The following PSD2 variants were observed in gnomAD, a reference collection of about 807,000 sequenced individuals.
PSD2 encodes PH and SEC7 domain-containing protein 2.
PSD2 carries 38 observed loss-of-function variants against 69.8 expected under a neutral mutation model. The ratio of observed to expected loss-of-function variants is 0.54; its 90% CI spans 0.42 to 0.71. The LOEUF is 0.71. PSD2 is among the 30% of genes least tolerant of loss of function. The probability of loss-of-function intolerance (pLI) is 0.00; values close to 1 mark genes in which losing one functional copy is unlikely to be tolerated. For synonymous variants in PSD2, 412 were observed against 423.0 expected, an observed-to-expected ratio of 0.97 and a Z score of 0.32; for missense variants, 943 against 1,014.5, an observed-to-expected ratio of 0.93 and a Z score of 0.96.
At chr5:139,813,793 C>A (rs376990624) in intron 3 of PSD2, 35 bp downstream of exon 3, 2 of 1,541,458 alleles carry the variant, frequency 1.3e-6, no homozygotes, top group Non-Finnish European at 8.8e-7. Flanking sequence ...AACCACCGAG[C>A]AGATGGGGAA....
chr5:139,764,547 G>C, the PSD2 span, among the ~76,000 whole-genome samples: 1 of 152,162 alleles, frequency 6.6e-6, no homozygotes, highest in Non-Finnish European at 1.5e-5. Flanking sequence ...CCGTTGCCAG[G>C]AGCAGTCAGG....
upstream of PSD2, among the ~76,000 whole-genome samples, chr5:139,792,257 C>A (rs1447868654): frequency 1.3e-5 from 2 of 152,092 alleles, no homozygotes; most frequent in Non-Finnish European, 2.9e-5. Flanking sequence ...GAATCCCTAC[C>A]CAGGCACCCC....
chr5:139,747,462 C>T, the PSD2 span, among the ~76,000 whole-genome samples: 1 of 152,166 alleles, frequency 6.6e-6, no homozygotes, highest in Non-Finnish European at 1.5e-5. The surrounding 1 kb of genome is among the most constrained non-coding windows in gnomAD (Gnocchi z 6.7). Flanking sequence ...CGGGCGGGGG[C>T]TGGGGGCTGT....
chr5:139,787,544 A>G, the PSD2 span, among the ~76,000 whole-genome samples: 2 of 152,252 alleles, frequency 1.3e-5, no homozygotes, highest in South Asian at 4.1e-4. Flanking sequence ...AGCAGCAGTC[A>G]GCTGCCACAA....
chr5:139,840,080 G>C lies in PSD2; in HGVS notation c.2022G>C (p.Leu674=). Residue 674 remains leucine (L), a synonymous_variant, in exon 14 of 15, where the codon CTG becomes CTC. Transcript: ENST00000274710. ...ENKLRQLTAE[L]AEHRCHPVER... ...AGTTGAGGCAGCTGACTGCGGAGCT[G>C]GCCGAACACAGGTGTCACCCAGTCG... 6 of 1,614,226 alleles carry C rather than the reference G, an allele frequency of 3.7e-6. No homozygotes were observed. Among genetic ancestry groups the C allele is most frequent in the Non-Finnish European group, 5.1e-6 (6 of 1,180,040 alleles).
At chr5:139,766,993 C>T in the PSD2 span, among the ~76,000 whole-genome samples, 2 of 138,034 alleles carry the variant, frequency 1.4e-5, no homozygotes, top group African/African-American at 5.6e-5. Flanking sequence ...TTCTTTCTTT[C>T]TTTCCTTCTT....
chr5:139,806,384 C>T (rs551384665), intron 1 of PSD2, among the ~76,000 whole-genome samples: 2 of 152,342 alleles, frequency 1.3e-5, no homozygotes, highest in East Asian at 1.9e-4. Context: ...ACTGGGGGCT[C>T]ATTCTGCGTC....
At chr5:139,834,538 C>A (rs1364118061) in intron 8 of PSD2, among the ~76,000 whole-genome samples, 1 of 151,514 alleles carries the variant, frequency 6.6e-6, no homozygotes, top group Non-Finnish European at 1.5e-5. Context: ...TGGGCTCAAG[C>A]AATCCTCACA....
chr5:139,746,030 T>TG, the PSD2 span, among the ~76,000 whole-genome samples: 1 of 152,144 alleles, frequency 6.6e-6, no homozygotes, highest in Non-Finnish European at 1.5e-5. This position sits in a 1 kb window ranked among gnomAD's most constrained non-coding sequence, Gnocchi z 4.5. Flanking sequence ...TCAGGGGTGG[T>TG]GGGCCCACTG....
chr5:139,756,925 C>G, the PSD2 span, among the ~76,000 whole-genome samples: 1 of 152,218 alleles, frequency 6.6e-6, no homozygotes, highest in African/African-American at 2.4e-5. Flanking sequence ...ATTTCTTGAG[C>G]ACTTCCTAAT....
rs779751366 is a variant in PSD2 at position 139,813,408 on chromosome 5, C to T, written c.471C>T (p.Ser157=). The change falls in exon 3 of 15, where the codon AGC becomes AGT. Residue 157 remains serine, a synonymous_variant. Transcript: ENST00000274710. ...TGCTGCGGGGCACCCAGTACAGCAG[C>T]CTCGACTCCCTAGACGGGCTGAGCC... The part of the protein sequence containing the change: ...SELLRGTQYS[S]LDSLDGLSLT... The T allele has an allele frequency of 9.3e-6, 15 of 1,613,656 alleles. No individual in the cohort carries two copies. Among genetic ancestry groups the T allele is most frequent in the East Asian group, 2.2e-5 (1 of 44,854 alleles).
At chr5:139,819,102 A>T (rs1291892775) in intron 5 of PSD2, among the ~76,000 whole-genome samples, 2 of 152,148 alleles carry the variant, frequency 1.3e-5, no homozygotes, top group African/African-American at 2.4e-5. Flanking sequence ...TTAATAACTT[A>T]AAAAAATTGG....
Position 139,837,039 on chromosome 5 carries a change from C to G in PSD2, c.1594+38C>G, listed in dbSNP as rs1049292295. ...CTGGGAGAGGGGCATGGGAGGGAGG[C>G]TGGCACAGAGGGGGGCGCCACGGGC... On this transcript the variant is annotated intron_variant, in intron 10 of 14. Coordinates refer to ENST00000274710, the MANE Select transcript of PSD2 (RefSeq NM_032289.4). The surrounding 1 kb of genome is among the most constrained non-coding windows in gnomAD (Gnocchi z 5.0). 6.2e-7 allele frequency: 1 copy of G among 1,601,024 alleles called. No individual in the cohort carries two copies.
At chr5:139,765,954 C>T in the PSD2 span, among the ~76,000 whole-genome samples, 10 of 152,188 alleles carry the variant, frequency 6.6e-5, no homozygotes, top group African/African-American at 1.7e-4. Flanking sequence ...CGTTCGTTCC[C>T]TCTCTCTTTC....
the PSD2 span, among the ~76,000 whole-genome samples, chr5:139,778,626 T>C: frequency 4.6e-5 from 7 of 152,294 alleles, no homozygotes; most frequent in South Asian, 1.0e-3. Context: ...TTTATTTTCT[T>C]AGGATAAATC....
the PSD2 span, among the ~76,000 whole-genome samples, chr5:139,766,968 T>C: frequency 2.2e-4 from 31 of 143,402 alleles, no homozygotes; most frequent in Non-Finnish European, 3.4e-4. Flanking sequence ...TTTCTTTCTT[T>C]CTTTCTTTCT....
In PSD2 at chr5:139,809,767, T is replaced by C; in HGVS notation, c.327T>C (p.Asn109=). 1.2e-6 allele frequency: 2 copies of C among 1,614,156 alleles called. No homozygotes were observed. The highest frequency in any genetic ancestry group is 1.7e-6 in the Non-Finnish European group (2 of 1,180,018). ...CTGGCGTGCTGGCAGAGGGGGACAA[T>C]GCTTCCAGGAGCCTCTACCCAGATG... ...WRAGVLAEGD[N]ASRSLYPDAE... The change falls in exon 2 of 15, where the codon AAT becomes AAC. Residue 109 remains asparagine (N), a synonymous_variant. Coordinates refer to ENST00000274710, the MANE Select transcript of PSD2 (RefSeq NM_032289.4).
chr5:139,744,920 C>A, the PSD2 span: 1 of 152,384 alleles, frequency 6.6e-6, no homozygotes, highest in Non-Finnish European at 1.5e-5. Flanking sequence ...TTCAGGAGGG[C>A]ATGGTTTTAC....
intron 1 of PSD2, among the ~76,000 whole-genome samples, chr5:139,798,703 A>G (rs1419287697): frequency 2.0e-5 from 3 of 152,158 alleles, no homozygotes; most frequent in Non-Finnish European, 4.4e-5. Context: ...TAAGTTGCCA[A>G]CATTATAACA....
Sources: allele counts gnomAD v4.1 joint callset (sites outside exome capture counted in the v4.1 genomes callset), GRCh38; gene constraint gnomAD v4.1.1; non-coding constraint Gnocchi (gnomAD v3.1); transcripts MANE v1.5; gene names NCBI Gene and HGNC (gene_info 2026-07-23, HGNC 2026-07-21).